RASA3: variants seen among roughly 807,000 people sequenced by gnomAD.
The protein encoded by RASA3 is RAS p21 protein activator 3, also known as ras GTPase-activating protein 3.
A neutral mutation model predicts 110.0 loss-of-function variants in RASA3; 73 were observed. The ratio of observed to expected loss-of-function variants is 0.66; its 90% CI spans 0.55 to 0.81. The LOEUF is 0.81. Among genes scored for constraint, RASA3 ranks in the 30% least tolerant of loss-of-function variants. The pLI, the probability that RASA3 is intolerant of heterozygous loss-of-function variation, is 0.00. For synonymous variants in RASA3, 500 were observed against 451.4 expected (o/e 1.11, Z -1.37); for missense variants, 976 against 1,113.2 (o/e 0.88, Z 1.75).
In RASA3 at chr13:113,981,746, C is replaced by T. The variant is rs1223059356; in HGVS notation, c.2358G>A (p.Gly786=). The change falls in exon 23 of 24, where the codon GGG becomes GGA. Residue 786 remains glycine (G), a synonymous_variant. Transcript: ENST00000334062. ...TYKTLKQVIA[G]VGALEQEHAQ... ...CGTGCTCCTGCTCCAAAGCCCCAACCCCAGCGATGACTTGCTTTAGCGTCT... is the reference window on the plus strand; with the variant it reads ...CGTGCTCCTGCTCCAAAGCCCCAACTCCAGCGATGACTTGCTTTAGCGTCT... 14 of 1,614,142 alleles carry T rather than the reference C, an allele frequency of 8.7e-6. No homozygotes were observed. The highest frequency in any genetic ancestry group is 1.2e-5 in the Non-Finnish European group (14 of 1,179,998).
At chr13:114,033,789 G>T (rs1404256538) in intron 4 of RASA3, among the ~76,000 whole-genome samples, 4 of 152,254 alleles carry the variant, frequency 2.6e-5, no homozygotes, top group African/African-American at 9.6e-5. Context: ...GAGACTCTGG[G>T]GTCTGGAGGT....
chr13:114,095,339 T>G lies in RASA3; in HGVS notation c.56-21502A>C, dbSNP rs533324222. ...CACAGAGCTATAAAACCATCACCAC[T>G]AACTCCAGAGAATTTTCATGACCCG... On this transcript the variant is annotated intron_variant, in intron 1 of 23. Coordinates refer to ENST00000334062, the MANE Select transcript of RASA3 (RefSeq NM_007368.4). Among the ~76,000 whole-genome samples, 131 of 152,212 alleles carry G rather than the reference T, an allele frequency of 8.6e-4. 2 individuals carry two copies. In the South Asian group the frequency reaches 9.7e-3, roughly 11 times the overall value.
rs540123800 is a variant in RASA3 at position 114,057,973 on chromosome 13, G to A, written c.174-5818C>T. Among the ~76,000 whole-genome samples the A allele has an allele frequency of 4.9e-4, 74 of 152,220 alleles. No individual in the cohort carries two copies. Among genetic ancestry groups the A allele is most frequent in the African/African-American group, 1.6e-3 (68 of 41,536 alleles). On this transcript the variant is annotated intron_variant, in intron 2 of 23. Transcript: ENST00000334062. The surrounding 1 kb of genome is among the most constrained non-coding windows in gnomAD (Gnocchi z 5.0). Reference sequence around the variant, plus strand: ...GGCCTGGCTGAGGCCCTGGGAGGTCGGAGTCCCGGAGGTGGGTGGGGGTGG... The same window carrying A: ...GGCCTGGCTGAGGCCCTGGGAGGTCAGAGTCCCGGAGGTGGGTGGGGGTGG...
intron 2 of RASA3, 26 bp downstream of exon 2, chr13:114,073,694 C>T (rs369704743): frequency 1.5e-5 from 24 of 1,555,206 alleles, no homozygotes; most frequent in Non-Finnish European, 1.9e-5. Flanking sequence ...CACATCAGTG[C>T]CAAGTAAAGC....
At chr13:114,059,747 G>A (rs76716820) in intron 2 of RASA3, among the ~76,000 whole-genome samples, 1,611 of 152,342 alleles carry the variant, frequency 0.011, 5 homozygotes, top group Non-Finnish European at 0.017. Flanking sequence ...ACCAAACAAC[G>A]GGGAGCACTT....
intron 1 of RASA3, among the ~76,000 whole-genome samples, chr13:114,079,041 C>T (rs944184319): frequency 6.6e-6 from 1 of 152,238 alleles, no homozygotes; most frequent in Non-Finnish European, 1.5e-5. Context: ...GCGGGCGTCT[C>T]CCAGGCGCTC....
intron 12 of RASA3, among the ~76,000 whole-genome samples, chr13:114,016,908 G>A (rs749194947): frequency 2.6e-5 from 4 of 152,196 alleles, no homozygotes; most frequent in South Asian, 2.1e-4. Context: ...AACATGCCAC[G>A]CAGCCAGGGC....
At chr13:114,060,079 G>T (rs531145937) in intron 2 of RASA3, among the ~76,000 whole-genome samples, 1 of 152,242 alleles carries the variant, frequency 6.6e-6, no homozygotes, top group Non-Finnish European at 1.5e-5. Context: ...GGCCATGGAC[G>T]GCGCGGAGAG....
chr13:113,999,482 A>G, intron 20 of RASA3, 103 bp downstream of exon 20: 1 of 857,192 alleles, frequency 1.2e-6, no homozygotes, highest in Non-Finnish European at 2.0e-6. Context: ...CCTGGAGTGC[A>G]GTGGGTGGGG....
intron 7 of RASA3, 86 bp from the exon 8 acceptor site, chr13:114,024,441 C>G (rs2053990243): frequency 1.7e-6 from 2 of 1,208,000 alleles, no homozygotes; most frequent in Admixed American, 3.4e-5. Flanking sequence ...GCTGCCCTAC[C>G]CTCTGCGCTT....
intron 2 of RASA3, among the ~76,000 whole-genome samples, chr13:114,071,107 C>G (rs2079565744): frequency 6.6e-6 from 1 of 152,212 alleles, no homozygotes; most frequent in South Asian, 2.1e-4. Flanking sequence ...TGCTATCAGT[C>G]TTTTGTTGTG....
chr13:113,980,069 CCATG>C, intron 23 of RASA3, among the ~76,000 whole-genome samples: 1 of 123,000 alleles, frequency 8.1e-6, no homozygotes, highest in East Asian at 2.4e-4. Flanking sequence ...GCACCTCCTC[CCATG>C]TGTGTGCACC....
At chr13:114,038,678 G>A (rs534674848) in intron 4 of RASA3, among the ~76,000 whole-genome samples, 82 of 152,126 alleles carry the variant, frequency 5.4e-4, no homozygotes, top group African/African-American at 1.3e-3. Context: ...CCAGTGAAGC[G>A]CAGAGGATGA....
chr13:114,029,686 T>C, intron 5 of RASA3, 125 bp downstream of exon 5: 4 of 931,056 alleles, frequency 4.3e-6, no homozygotes, highest in East Asian at 5.3e-5. Context: ...CTCTAAACAG[T>C]GTCATCCTGG....
intron 8 of RASA3, among the ~76,000 whole-genome samples, chr13:114,021,904 G>A (rs1333250014): frequency 6.6e-6 from 1 of 151,752 alleles, no homozygotes; most frequent in Non-Finnish European, 1.5e-5. Flanking sequence ...TGCCAGGAGG[G>A]AGCCAGGCGT....
At chr13:114,082,122 ATTAC>A (rs904859945) in intron 1 of RASA3, among the ~76,000 whole-genome samples, 3 of 152,228 alleles carry the variant, frequency 2.0e-5, no homozygotes, top group African/African-American at 4.8e-5. Context: ...ACTGAGAGGC[ATTAC>A]TTACTGCTGA....
At chr13:113,997,040 G>A (rs1382911759) in intron 20 of RASA3, among the ~76,000 whole-genome samples, 2 of 152,222 alleles carry the variant, frequency 1.3e-5, no homozygotes, top group Admixed American at 1.3e-4. Context: ...TTATGTCCTG[G>A]AGCCTTGGAG....
intron 14 of RASA3, among the ~76,000 whole-genome samples, chr13:114,013,954 CTCTCTCTCTCTCTCTCCGTCTCGA>C (rs2139271041): frequency 1.2e-4 from 2 of 17,012 alleles, no homozygotes; most frequent in South Asian, 3.6e-3. Context: ...ATCTCTCTGT[CTCTCTCTCTCTCTCTCCGTCTCGA>C]TCTCTCTCTC....
Position 113,983,462 on chromosome 13 carries a change from T to C in RASA3, c.2246-1604A>G, listed in dbSNP as rs3892305. 7.2e-4 allele frequency among the ~76,000 whole-genome samples: 81 copies of C among 112,588 alleles called. 24 individuals are homozygous for C. The East Asian group carries it at 0.02, about 27-fold the overall frequency. The allele number at this position is 112,588 out of a possible 152,430, so 73.9% of individuals were successfully genotyped here. On this transcript the variant is annotated intron_variant, in intron 22 of 23. Transcript: ENST00000334062. Reference sequence around the variant, plus strand: ...CCTCCTGACCGCTGACAGCAAAATGTGGGGAGAGAGATGATTTGAAGGTGG... The same window carrying C: ...CCTCCTGACCGCTGACAGCAAAATGCGGGGAGAGAGATGATTTGAAGGTGG...
Sources: allele counts gnomAD v4.1 joint callset (sites outside exome capture counted in the v4.1 genomes callset), GRCh38; gene constraint gnomAD v4.1.1; non-coding constraint Gnocchi (gnomAD v3.1); transcripts MANE v1.5; gene names NCBI Gene and HGNC (gene_info 2026-07-23, HGNC 2026-07-21).